SSX2IP: variants seen among roughly 807,000 people sequenced by gnomAD.
SSX2IP encodes afadin- and alpha-actinin-binding protein.
SSX2IP carries 55 observed loss-of-function variants against 84.9 expected under a neutral mutation model. The ratio of observed to expected loss-of-function variants is 0.65; its 90% CI spans 0.52 to 0.81. The LOEUF is 0.81. Among genes scored for constraint, SSX2IP ranks in the 30% least tolerant of loss-of-function variants. The pLI, the probability that SSX2IP is intolerant of heterozygous loss-of-function variation, is 0.00. For synonymous variants in SSX2IP, 239 were observed against 234.7 expected, an observed-to-expected ratio of 1.02 and a Z score of -0.17; for missense variants, 664 against 705.2, an observed-to-expected ratio of 0.94 and a Z score of 0.66.
chr1:84,672,541 C>A (rs988086344), intron 1 of SSX2IP, among the ~76,000 whole-genome samples: 2 of 152,086 alleles, frequency 1.3e-5, no homozygotes, highest in Admixed American at 1.3e-4. Context: ...CTGGTACACA[C>A]AAGATCAGTT....
Position 84,651,865 on chromosome 1 carries a change from A to G in SSX2IP, c.1504+18T>C. On this transcript the variant is annotated intron_variant, in intron 12 of 13. Coordinates refer to ENST00000342203, the MANE Select transcript of SSX2IP (RefSeq NM_001166293.2). The stretch of plus-strand genomic sequence containing the variant: ...ATTTATATGCATGTTCAAATTAAAG[A>G]GTTTATAAAGTACTCACTTCCTGAG... 6.9e-7 allele frequency: 1 copy of G among 1,451,502 alleles called. No individual in the cohort carries two copies. The highest frequency in any genetic ancestry group is 1.2e-5 in the South Asian group (1 of 82,120). The allele number at this position is 1,451,502 out of a possible 1,614,324, so 89.9% of individuals were successfully genotyped here. A position where few individuals can be genotyped will look rare whatever the true frequency, so the allele number is the denominator to read the frequency against.
intron 1 of SSX2IP, among the ~76,000 whole-genome samples, chr1:84,681,370 T>C (rs1557527581): frequency 6.6e-6 from 1 of 152,176 alleles, no homozygotes; most frequent in Non-Finnish European, 1.5e-5. Flanking sequence ...TTATTAAAGA[T>C]TAAAGCACAT....
rs1651133764 is a variant in SSX2IP, at chr1:84,656,429, G to T, written c.1134C>A (p.Asp378Glu). ...FNDEDVISRQ[D>E]HEQETEKLEL... Reference sequence around the variant, plus strand: ...CGAGTTTTTCAGTTTCTTGTTCATGGTCTTGTCGTGAGATTACATCTTCAT... The same window carrying T: ...CGAGTTTTTCAGTTTCTTGTTCATGTTCTTGTCGTGAGATTACATCTTCAT... Residue 378 changes from aspartate (D) to glutamate (E), a missense_variant, in exon 10 of 14, where the codon GAC (aspartate) becomes GAA (glutamate). Coordinates refer to ENST00000342203, the MANE Select transcript of SSX2IP (RefSeq NM_001166293.2). 6 of 1,613,350 alleles carry T rather than the reference G, an allele frequency of 3.7e-6. No individual in the cohort carries two copies. The East Asian group carries it at 1.3e-4, about 36-fold the overall frequency.
Position 84,644,607 on chromosome 1 carries a change from C to T in SSX2IP, c.*2826G>A, listed in dbSNP as rs2102079202. The T allele has an allele frequency of 6.6e-6, 1 of 152,316 alleles. No individual in the cohort carries two copies. The highest frequency in any genetic ancestry group is 2.4e-5 in the African/African-American group (1 of 41,568). 9.4% of individuals were successfully genotyped at this position (152,316 alleles called of 1,614,324 possible). On this transcript the variant is annotated 3_prime_UTR_variant, in exon 14 of 14. Transcript: ENST00000342203. The stretch of plus-strand genomic sequence containing the variant: ...ACATAGTAATCACAGCAGGGTCTTG[C>T]TAACTCACAAATTTAGCATACATGC...
intron 1 of SSX2IP, among the ~76,000 whole-genome samples, chr1:84,684,185 C>T (rs114990996): frequency 0.011 from 1,619 of 152,230 alleles, 29 homozygotes; most frequent in African/African-American, 0.037. Context: ...GTCCTGGGAC[C>T]AGCAGCATCA....
At chr1:84,676,135 T>C (rs1333137892) in intron 1 of SSX2IP, among the ~76,000 whole-genome samples, 3 of 152,220 alleles carry the variant, frequency 2.0e-5, no homozygotes, top group Admixed American at 6.5e-5. Flanking sequence ...GTGAATTTTA[T>C]GAGCAAACCT....
At chr1:84,650,842 C>CTGTA (rs1286898820) in intron 12 of SSX2IP, among the ~76,000 whole-genome samples, 2 of 152,002 alleles carry the variant, frequency 1.3e-5, no homozygotes, top group Non-Finnish European at 2.9e-5. Context: ...GTAGCTGGGA[C>CTGTA]TACAGGGGCC....
chr1:84,663,359 T>G (rs896339631), intron 6 of SSX2IP, among the ~76,000 whole-genome samples: 5 of 152,222 alleles, frequency 3.3e-5, no homozygotes, highest in African/African-American at 9.6e-5. Context: ...TTACACTTTA[T>G]ACTTTCAGCA....
intron 2 of SSX2IP, 63 bp from the exon 3 acceptor site, chr1:84,670,878 C>T (rs1034663980): frequency 7.7e-6 from 10 of 1,299,552 alleles, no homozygotes; most frequent in Admixed American, 6.5e-5. Context: ...CTAACATAAT[C>T]GCCATTACTA....
At chr1:84,658,627 G>A (rs1553127577) in intron 8 of SSX2IP, among the ~76,000 whole-genome samples, 159 bp from the exon 9 acceptor site, 1 of 151,794 alleles carries the variant, frequency 6.6e-6, no homozygotes, top group South Asian at 2.1e-4. Context: ...AATGTCTTGA[G>A]AAAAAAAATG....
intron 13 of SSX2IP, among the ~76,000 whole-genome samples, chr1:84,649,131 G>A (rs1308218959): frequency 6.6e-6 from 1 of 152,184 alleles, no homozygotes; most frequent in Non-Finnish European, 1.5e-5. Flanking sequence ...AATCCCAGAT[G>A]TGTTGGGGCT....
At chr1:84,658,784 A>C (rs529601296) in intron 8 of SSX2IP, among the ~76,000 whole-genome samples, 1 of 152,352 alleles carries the variant, frequency 6.6e-6, no homozygotes, top group Non-Finnish European at 1.5e-5. Flanking sequence ...AGCTCATTAC[A>C]ATGTGGGAAA....
chr1:84,655,248 C>T (rs1650905044), intron 11 of SSX2IP: 1 of 847,106 alleles, frequency 1.2e-6, no homozygotes, highest in Non-Finnish European at 1.5e-6. Context: ...AGGAATGAAA[C>T]TGAGGATGAG....
At chr1:84,675,711 T>G (rs1437909458) in intron 1 of SSX2IP, among the ~76,000 whole-genome samples, 1 of 152,196 alleles carries the variant, frequency 6.6e-6, no homozygotes, top group African/African-American at 2.4e-5. Context: ...TATGCCCTAT[T>G]ATTTACGTAA....
chr1:84,673,318 G>A (rs6680897), intron 1 of SSX2IP, among the ~76,000 whole-genome samples: 6,238 of 152,132 alleles, frequency 0.041, 420 homozygotes, highest in African/African-American at 0.14. Context: ...GGAGTCAGCC[G>A]CAAGAAAATC....
chr1:84,650,717 T>C (rs1650105862), intron 12 of SSX2IP, among the ~76,000 whole-genome samples, 190 bp from the exon 13 acceptor site: 1 of 152,050 alleles, frequency 6.6e-6, no homozygotes, highest in African/African-American at 2.4e-5. Context: ...GATCTTTTTT[T>C]TTTTTGAGAT....
chr1:84,676,299 G>A (rs1654317501), intron 1 of SSX2IP, among the ~76,000 whole-genome samples: 2 of 152,174 alleles, frequency 1.3e-5, no homozygotes, highest in Non-Finnish European at 2.9e-5. Context: ...CACGTATATA[G>A]CCATCTAATA....
At chr1:84,687,870 T>G (rs762595744) in intron 1 of SSX2IP, among the ~76,000 whole-genome samples, 1 of 152,188 alleles carries the variant, frequency 6.6e-6, no homozygotes, top group Non-Finnish European at 1.5e-5. Flanking sequence ...GTAACTCAAC[T>G]GTACACTGCT....
intron 12 of SSX2IP, among the ~76,000 whole-genome samples, 161 bp downstream of exon 12, chr1:84,651,722 C>T (rs572369772): frequency 6.8e-4 from 104 of 151,844 alleles, no homozygotes; most frequent in Admixed American, 3.5e-3. Context: ...AGCAAGACTC[C>T]GTCTCAAAAA....
Sources: gnomAD v4.1 joint callset for allele counts (sites outside exome capture counted in the v4.1 genomes callset) on GRCh38, gnomAD v4.1.1 for gene constraint, MANE v1.5 for transcripts, NCBI Gene and HGNC (gene_info 2026-07-23, HGNC 2026-07-21) for gene names.